The following FNIP2 variants were observed in gnomAD, a reference collection of about 807,000 sequenced individuals.
FNIP2 encodes folliculin-interacting protein 2.
FNIP2 carries 32 observed loss-of-function variants against 108.7 expected under a neutral mutation model. The observed-to-expected ratio is 0.29, with a 90% confidence interval of 0.22 to 0.40. The LOEUF is 0.40. FNIP2 is among the 10% of genes least tolerant of loss of function. FNIP2 has a pLI of 1.00. For synonymous variants in FNIP2, 480 were observed against 496.7 expected, an observed-to-expected ratio of 0.97 and a Z score of 0.45; for missense variants, 1,202 against 1,381.6, an observed-to-expected ratio of 0.87 and a Z score of 2.06.
At chr4:158,857,133 C>G (rs536814592) in intron 8 of FNIP2, among the ~76,000 whole-genome samples, 1 of 152,274 alleles carries the variant, frequency 6.6e-6, no homozygotes, top group East Asian at 1.9e-4. Context: ...TGATGAGAAA[C>G]TGTATTGGGT....
In FNIP2 at chr4:158,791,617, A is replaced by G. The variant is rs1269003611; in HGVS notation, c.107+22298A>G. Among the ~76,000 whole-genome samples the G allele has an allele frequency of 4.6e-5, 7 of 152,128 alleles. No homozygotes were observed. The South Asian group carries it at 1.0e-3, about 23-fold the overall frequency. On this transcript the variant is annotated intron_variant, in intron 1 of 16. Transcript: ENST00000264433. ...ATCCTAAGAGAATTTTCATGTTGGT[A>G]TGTTTGTAATACCAGAAATGTTACC...
At chr4:158,771,051 T>A (rs1454534671) in intron 1 of FNIP2, among the ~76,000 whole-genome samples, 1 of 152,232 alleles carries the variant, frequency 6.6e-6, no homozygotes, top group Non-Finnish European at 1.5e-5. Context: ...CATGGGAACA[T>A]TTTCAGTAGT....
intron 3 of FNIP2, 28 bp downstream of exon 3, chr4:158,829,253 C>G: frequency 6.4e-7 from 1 of 1,559,796 alleles, no homozygotes; most frequent in Non-Finnish European, 8.7e-7. Flanking sequence ...GTGGGAATAG[C>G]CCCTGAGGTT....
In FNIP2 at chr4:158,834,025, C is replaced by T. The variant is rs75931925; in HGVS notation, c.655+397C>T. On this transcript the variant is annotated intron_variant, in intron 6 of 16. Transcript: ENST00000264433. ...TGATCACAGATATTGGTTTCAAATG[C>T]GGCCAAATCCATGGTGTTTCGAAAA... 526 of 440,612 alleles carry T rather than the reference C, an allele frequency of 1.2e-3. 4 individuals carry two copies. The highest frequency in any genetic ancestry group is 9.9e-3 in the African/African-American group (472 of 47,802). The allele number at this position is 440,612 out of a possible 1,614,324, so 27.3% of individuals were successfully genotyped here. A position where few individuals can be genotyped will look rare whatever the true frequency, so the allele number is the denominator to read the frequency against.
At chr4:158,801,785 T>A (rs1462461379) in intron 1 of FNIP2, among the ~76,000 whole-genome samples, 1 of 152,110 alleles carries the variant, frequency 6.6e-6, no homozygotes, top group African/African-American at 2.4e-5. Context: ...GTCAGATGAG[T>A]TTAGATGGCA....
At chr4:158,833,958 A>G (rs910317530) in intron 6 of FNIP2, 1 of 1,054,200 alleles carries the variant, frequency 9.5e-7, no homozygotes, top group Non-Finnish European at 1.2e-6. Context: ...GTTCTTAGGA[A>G]AAATCCTACT....
chr4:158,844,006 C>T (rs773094529), intron 7 of FNIP2, among the ~76,000 whole-genome samples: 1 of 152,176 alleles, frequency 6.6e-6, no homozygotes, highest in Admixed American at 6.5e-5. Flanking sequence ...TCACATTTTT[C>T]GGCAGAATAA....
rs562821419 is a variant in FNIP2 at position 158,845,673 on chromosome 4, A to C, written c.728-5648A>C. 9.2e-5 allele frequency among the ~76,000 whole-genome samples: 14 copies of C among 152,382 alleles called. No individual in the cohort carries two copies. In the South Asian group the frequency reaches 2.7e-3, roughly 29 times the overall value. ...CATTCAGATAGTGAGCCAGGCCAAC[A>C]TTCAGATACACTGATGTTGACTGAA... On this transcript the variant is annotated intron_variant, in intron 7 of 16. Transcript: ENST00000264433.
chr4:158,854,602 C>T (rs1203345020), intron 8 of FNIP2, among the ~76,000 whole-genome samples: 1 of 152,172 alleles, frequency 6.6e-6, no homozygotes, highest in African/African-American at 2.4e-5. Flanking sequence ...AGAAACATAA[C>T]AATTTTATTT....
At chr4:158,875,838 C>T (rs1781251123) in intron 14 of FNIP2, among the ~76,000 whole-genome samples, 2 of 152,036 alleles carry the variant, frequency 1.3e-5, no homozygotes, top group African/African-American at 4.8e-5. Context: ...ACAACACTAC[C>T]TATGTCCACT....
At chr4:158,854,150 C>T (rs2126659261) in intron 8 of FNIP2, among the ~76,000 whole-genome samples, 1 of 152,322 alleles carries the variant, frequency 6.6e-6, no homozygotes, top group South Asian at 2.1e-4. Context: ...ATTATAATAA[C>T]TCCCTGATAT....
intron 14 of FNIP2, chr4:158,872,069 TC>T: frequency 1.0e-6 from 1 of 985,362 alleles, no homozygotes; most frequent in Non-Finnish European, 1.2e-6. Flanking sequence ...TATTGGACCT[TC>T]CTTCCATGAA....
At chr4:158,882,963 C>T (rs765163967) in intron 14 of FNIP2, among the ~76,000 whole-genome samples, 2 of 151,682 alleles carry the variant, frequency 1.3e-5, no homozygotes, top group Non-Finnish European at 2.9e-5. Context: ...GCCAAATCCC[C>T]CTCTGTGAGA....
At position 158,883,076 on chromosome 4, in the gene FNIP2, AAT is replaced by A. The variant is rs1295854196; in HGVS notation, c.2950-8368_2950-8367del. On this transcript the variant is annotated intron_variant, in intron 14 of 16. Coordinates refer to ENST00000264433, the MANE Select transcript of FNIP2 (RefSeq NM_020840.3). Reference sequence around the variant, plus strand: ...CTACAAGAAGCTATCACCCAAAAAAAATAAAATAAATAAATAAAATCAAGCTA... The same window carrying A: ...CTACAAGAAGCTATCACCCAAAAAAAAAAATAAATAAATAAAATCAAGCTA... Among the ~76,000 whole-genome samples, 3 of 152,184 alleles carry A rather than the reference AAT, an allele frequency of 2.0e-5. No individual in the cohort carries two copies. The East Asian group carries it at 5.8e-4, about 29-fold the overall frequency.
chr4:158,814,109 CTTT>C (rs935247426), intron 1 of FNIP2, among the ~76,000 whole-genome samples: 2 of 152,150 alleles, frequency 1.3e-5, no homozygotes, highest in Admixed American at 6.5e-5. Context: ...CCTCCTTCTT[CTTT>C]TAAGAGATGG....
At chr4:158,896,849 T>A (rs1452289304) in intron 16 of FNIP2, among the ~76,000 whole-genome samples, 4 of 151,758 alleles carry the variant, frequency 2.6e-5, no homozygotes, top group East Asian at 1.9e-4. Context: ...TAGTTTTTTT[T>A]TTATTATTAT....
At chr4:158,873,684 C>G (rs1781093422) in intron 14 of FNIP2, among the ~76,000 whole-genome samples, 2 of 152,212 alleles carry the variant, frequency 1.3e-5, no homozygotes, top group South Asian at 2.1e-4. Flanking sequence ...TTTCACATAT[C>G]AAGATTCAGA....
intron 16 of FNIP2, among the ~76,000 whole-genome samples, chr4:158,902,580 C>G (rs1729422712): frequency 6.6e-6 from 1 of 152,222 alleles, no homozygotes. Context: ...GAAGCTGTGC[C>G]TACAGCCGCC....
Position 158,874,796 on chromosome 4 carries a change from G to A in FNIP2, c.2949+4327G>A, listed in dbSNP as rs1223119039. 1.3e-5 allele frequency among the ~76,000 whole-genome samples: 2 copies of A among 151,842 alleles called. 1 individual carries two copies. Among genetic ancestry groups the A allele is most frequent in the Admixed American group, 1.3e-4 (2 of 15,226 alleles). On this transcript the variant is annotated intron_variant, in intron 14 of 16. Transcript: ENST00000264433. ...TGTCAGAGATAAGAAAGCTATATAT[G>A]GGCCAGGCACGGTGGCTCATGCCTG...
Sources: gnomAD v4.1 joint callset for allele counts (sites outside exome capture counted in the v4.1 genomes callset) on GRCh38, gnomAD v4.1.1 for gene constraint, MANE v1.5 for transcripts, NCBI Gene and HGNC (gene_info 2026-07-23, HGNC 2026-07-21) for gene names.